TMEFF2: variants seen among roughly 807,000 people sequenced by gnomAD.
The protein encoded by TMEFF2 is transmembrane protein with EGF like and two follistatin like domains 2.
TMEFF2 carries 28 observed loss-of-function variants against 53.8 expected under a neutral mutation model. That is an observed-to-expected ratio of 0.52 (90% CI 0.39 to 0.71). TMEFF2 has a LOEUF of 0.71. Among genes scored for constraint, TMEFF2 ranks in the 30% least tolerant of loss-of-function variants. The pLI is 0.00. For synonymous variants in TMEFF2, 162 were observed against 166.3 expected (o/e 0.97, Z 0.20); for missense variants, 353 against 455.2 (o/e 0.78, Z 2.04).
intron 5 of TMEFF2, among the ~76,000 whole-genome samples, chr2:192,005,174 TA>T (rs908151958): frequency 7.9e-5 from 12 of 152,162 alleles, no homozygotes; most frequent in African/African-American, 2.9e-4. Flanking sequence ...AAATAGGAAA[TA>T]ATTTTTAAAG....
intron 5 of TMEFF2, among the ~76,000 whole-genome samples, chr2:192,037,714 T>G (rs1292868933): frequency 6.6e-6 from 1 of 151,986 alleles, no homozygotes. Flanking sequence ...CATTTGATAT[T>G]GCTTACCCTA....
intron 4 of TMEFF2, among the ~76,000 whole-genome samples, chr2:192,091,634 A>G (rs190710773): frequency 1.6e-4 from 25 of 152,252 alleles, no homozygotes; most frequent in African/African-American, 5.5e-4. Context: ...AGAATTTTGC[A>G]TGCTATAGTT....
At chr2:191,959,539 C>T (rs974689653) in intron 7 of TMEFF2, among the ~76,000 whole-genome samples, 1 of 152,102 alleles carries the variant, frequency 6.6e-6, no homozygotes, top group African/African-American at 2.4e-5. Context: ...TACCTTACTG[C>T]AAGTCAAGTA....
At chr2:191,990,264 T>G (rs1295957066) in intron 7 of TMEFF2, among the ~76,000 whole-genome samples, 2 of 152,168 alleles carry the variant, frequency 1.3e-5, no homozygotes, top group South Asian at 4.1e-4. Flanking sequence ...TGTATAGATA[T>G]TTTAAGACTT....
intron 4 of TMEFF2, among the ~76,000 whole-genome samples, chr2:192,136,101 C>T (rs1439343609): frequency 8.5e-5 from 13 of 152,118 alleles, no homozygotes; most frequent in East Asian, 1.9e-4. Context: ...TTCACACAGA[C>T]GCGCATGAAA....
At chr2:192,154,698 T>C (rs1261704877) in intron 4 of TMEFF2, among the ~76,000 whole-genome samples, 1 of 152,006 alleles carries the variant, frequency 6.6e-6, no homozygotes, top group African/African-American at 2.4e-5. Flanking sequence ...CTCTGGAGAC[T>C]GTTCAGGTGA....
At chr2:191,965,664 CT>C in intron 7 of TMEFF2, among the ~76,000 whole-genome samples, 1 of 152,118 alleles carries the variant, frequency 6.6e-6, no homozygotes, top group Middle Eastern at 3.4e-3. Flanking sequence ...TCTTCTGCAT[CT>C]TCTTACATTC....
intron 7 of TMEFF2, among the ~76,000 whole-genome samples, chr2:191,984,422 A>G (rs922988785): frequency 6.6e-6 from 1 of 152,170 alleles, no homozygotes; most frequent in Admixed American, 6.6e-5. Context: ...AACAAGAGCT[A>G]CAACGTAAAA....
rs778294559 is a variant in TMEFF2, at chr2:192,194,447, G to GGGCAGC, written c.72_77dup (p.Leu25_Pro26dup). On this transcript the variant is annotated inframe_insertion, in exon 1 of 10. Transcript: ENST00000272771. This position sits in a 1 kb window ranked among gnomAD's most constrained non-coding sequence, Gnocchi z 4.2. ...GGCGGGCTACGATGAGTAGCATGAC[G>GGGCAGC]GGCAGCAGCAGCAGCCAGCAAAAGC... is the stretch of plus-strand genomic sequence containing the variant. The GGGCAGC allele has an allele frequency of 6.2e-7, 1 of 1,614,074 alleles. No individual in the cohort carries two copies. Among genetic ancestry groups the GGGCAGC allele is most frequent in the East Asian group, 2.2e-5 (1 of 44,876 alleles).
At chr2:192,029,736 A>G (rs1259405699) in intron 5 of TMEFF2, among the ~76,000 whole-genome samples, 1 of 152,248 alleles carries the variant, frequency 6.6e-6, no homozygotes, top group African/African-American at 2.4e-5. Flanking sequence ...CAATTGAGGC[A>G]TTTAAAATTT....
intron 4 of TMEFF2, among the ~76,000 whole-genome samples, chr2:192,087,280 A>T (rs949820318): frequency 3.3e-5 from 5 of 151,600 alleles, no homozygotes; most frequent in Non-Finnish European, 5.9e-5. Context: ...ACACCTAGTG[A>T]AAAAAAACAG....
chr2:192,192,022 A>G (rs769249576), intron 1 of TMEFF2, 33 bp from the exon 2 acceptor site: 38 of 1,421,932 alleles, frequency 2.7e-5, no homozygotes, highest in Non-Finnish European at 3.5e-5. Flanking sequence ...CAGTCATTAA[A>G]ACATCTTACA....
At chr2:192,149,932 A>G (rs1319499264) in intron 4 of TMEFF2, among the ~76,000 whole-genome samples, 1 of 151,968 alleles carries the variant, frequency 6.6e-6, no homozygotes, top group Non-Finnish European at 1.5e-5. Flanking sequence ...ATATCTCAGT[A>G]ACTTTATTAA....
chr2:192,168,360 A>C (rs909889449), intron 4 of TMEFF2, among the ~76,000 whole-genome samples: 1 of 152,054 alleles, frequency 6.6e-6, no homozygotes, highest in Non-Finnish European at 1.5e-5. Context: ...GTTCAATGTC[A>C]AATTAAATGA....
chr2:192,137,721 C>T (rs1298150744), intron 4 of TMEFF2, among the ~76,000 whole-genome samples: 1 of 150,478 alleles, frequency 6.6e-6, no homozygotes, highest in East Asian at 1.9e-4. Context: ...ATACACTGAG[C>T]CTGAGTAAAA....
intron 4 of TMEFF2, among the ~76,000 whole-genome samples, chr2:192,104,155 G>A (rs73982394): frequency 2.0e-5 from 3 of 152,060 alleles, no homozygotes; most frequent in African/African-American, 7.2e-5. Context: ...AAGGTAAAAG[G>A]GGGTAGCAGT....
chr2:192,034,029 G>A (rs1355742804), intron 5 of TMEFF2, among the ~76,000 whole-genome samples: 2 of 152,036 alleles, frequency 1.3e-5, no homozygotes, highest in African/African-American at 4.8e-5. Flanking sequence ...CAAAAAATTA[G>A]CCGGGCGTGG....
chr2:192,025,698 A>G (rs1686955587), intron 5 of TMEFF2, among the ~76,000 whole-genome samples: 1 of 152,100 alleles, frequency 6.6e-6, no homozygotes, highest in Admixed American at 6.6e-5. Context: ...TTAAATTGGA[A>G]GATTTAGAAT....
chr2:191,980,949 A>G (rs2105814746), intron 7 of TMEFF2, among the ~76,000 whole-genome samples: 1 of 151,964 alleles, frequency 6.6e-6, no homozygotes, highest in Non-Finnish European at 1.5e-5. Flanking sequence ...ACTAAAATCT[A>G]TGTATTTCTC....
Sources: allele counts gnomAD v4.1 joint callset (sites outside exome capture counted in the v4.1 genomes callset), GRCh38; gene constraint gnomAD v4.1.1; non-coding constraint Gnocchi (gnomAD v3.1); transcripts MANE v1.5; gene names NCBI Gene and HGNC (gene_info 2026-07-23, HGNC 2026-07-21).